The following LRRC3B variants were observed in gnomAD, a reference collection of about 807,000 sequenced individuals.
LRRC3B encodes leucine-rich repeat-containing protein 3B.
In LRRC3B, 2 loss-of-function variants were observed where a neutral mutation model predicts 12.8. That is an observed-to-expected ratio of 0.16 (90% confidence interval 0.06 to 0.49). LRRC3B has a LOEUF of 0.49. Ranked by LOEUF, LRRC3B falls within the 20% of genes least tolerant of loss-of-function variation. The pLI, the probability that LRRC3B is intolerant of heterozygous loss-of-function variation, is 0.96. For synonymous variants in LRRC3B, 132 were observed against 122.0 expected (o/e 1.08, Z -0.54); for missense variants, 189 against 319.4 (o/e 0.59, Z 3.11).
intron 1 of LRRC3B, among the ~76,000 whole-genome samples, chr3:26,643,255 A>AGT (rs76915536): frequency 0.068 from 9,358 of 136,858 alleles, 385 homozygotes; most frequent in East Asian, 0.16. Context: ...CATATGTGTG[A>AGT]GTGTGTGTGT....
chr3:26,681,274 G>C (rs1699965545), intron 1 of LRRC3B, among the ~76,000 whole-genome samples: 1 of 152,160 alleles, frequency 6.6e-6, no homozygotes, highest in African/African-American at 2.4e-5. Flanking sequence ...TTCGTGGGGA[G>C]AAAAATGTGT....
At chr3:26,631,594 C>T (rs1698758651) in intron 1 of LRRC3B, among the ~76,000 whole-genome samples, 1 of 151,632 alleles carries the variant, frequency 6.6e-6, no homozygotes, top group Non-Finnish European at 1.5e-5. Context: ...ACAGAATGTC[C>T]CTGTCTTGGA....
intron 1 of LRRC3B, among the ~76,000 whole-genome samples, chr3:26,689,796 A>G (rs1437409979): frequency 6.6e-6 from 1 of 152,216 alleles, no homozygotes; most frequent in Non-Finnish European, 1.5e-5. Context: ...ATTTGCTCCA[A>G]GGCAGCTCTG....
intron 1 of LRRC3B, among the ~76,000 whole-genome samples, chr3:26,707,995 A>G (rs1700645321): frequency 6.6e-6 from 1 of 152,108 alleles, no homozygotes; most frequent in South Asian, 2.1e-4. Flanking sequence ...GCTGTTGCTA[A>G]TCTCATTTTT....
intron 1 of LRRC3B, among the ~76,000 whole-genome samples, chr3:26,626,933 A>G (rs1575107120): frequency 6.6e-6 from 1 of 152,202 alleles, no homozygotes; most frequent in African/African-American, 2.4e-5. Context: ...AATTTTTCCT[A>G]TCACAGGAAA....
intron 1 of LRRC3B, among the ~76,000 whole-genome samples, chr3:26,701,583 A>G (rs1700455650): frequency 6.6e-6 from 1 of 152,096 alleles, no homozygotes; most frequent in Non-Finnish European, 1.5e-5. Flanking sequence ...CATTTGACCT[A>G]TAGGAAATAG....
chr3:26,625,365 G>A (rs955489220), intron 1 of LRRC3B: 1 of 152,220 alleles, frequency 6.6e-6, no homozygotes, highest in Non-Finnish European at 1.5e-5. Context: ...CCTGCCTAGC[G>A]GTGGCAAACT....
intron 1 of LRRC3B, among the ~76,000 whole-genome samples, chr3:26,683,956 T>C: frequency 6.6e-6 from 1 of 152,260 alleles, no homozygotes; most frequent in East Asian, 1.9e-4. Flanking sequence ...TGAGAAAAGC[T>C]GATCCTCTGT....
At chr3:26,643,993 C>T (rs944145706) in intron 1 of LRRC3B, among the ~76,000 whole-genome samples, 9 of 152,196 alleles carry the variant, frequency 5.9e-5, no homozygotes, top group Non-Finnish European at 1.2e-4. Flanking sequence ...CTCAGCATTT[C>T]CAAGTATACC....
chr3:26,680,365 TA>T (rs1699946588), intron 1 of LRRC3B, among the ~76,000 whole-genome samples: 1 of 152,256 alleles, frequency 6.6e-6, no homozygotes, highest in African/African-American at 2.4e-5. Flanking sequence ...CTCATTAATC[TA>T]TTTAGGAAAT....
At chr3:26,625,026 G>A (rs967316336) in intron 1 of LRRC3B, 2 of 152,426 alleles carry the variant, frequency 1.3e-5, no homozygotes, top group African/African-American at 4.8e-5. Context: ...CTCTCCCAGA[G>A]GTGCCTTTGG....
At chr3:26,632,775 AT>A (rs542166040) in intron 1 of LRRC3B, among the ~76,000 whole-genome samples, 278 of 152,236 alleles carry the variant, frequency 1.8e-3, no homozygotes, top group Admixed American at 5.1e-3. Flanking sequence ...AGCATCCAAG[AT>A]GGAGTTGCTT....
intron 1 of LRRC3B, among the ~76,000 whole-genome samples, chr3:26,636,766 T>C (rs866716659): frequency 1.9e-4 from 29 of 150,440 alleles, no homozygotes; most frequent in Middle Eastern, 3.5e-3. Flanking sequence ...GGAAAGCCCA[T>C]ATAGCTTTCT....
At chr3:26,626,109 A>G (rs951897757) in intron 1 of LRRC3B, among the ~76,000 whole-genome samples, 3 of 152,184 alleles carry the variant, frequency 2.0e-5, no homozygotes, top group Admixed American at 2.0e-4. Flanking sequence ...CTGGCCTGTG[A>G]GCCCCTGTGA....
At chr3:26,629,700 T>C (rs1321349468) in intron 1 of LRRC3B, among the ~76,000 whole-genome samples, 1 of 152,250 alleles carries the variant, frequency 6.6e-6, no homozygotes, top group Non-Finnish European at 1.5e-5. Context: ...ATTTTCCTGC[T>C]GCTATGTGTT....
At chr3:26,707,531 CCTT>C (rs1194078683) in intron 1 of LRRC3B, among the ~76,000 whole-genome samples, 6 of 152,132 alleles carry the variant, frequency 3.9e-5, no homozygotes, top group African/African-American at 1.4e-4. Flanking sequence ...ATGCCAAACT[CCTT>C]TAATGAATCC....
In LRRC3B at chr3:26,678,773, G is replaced by A. The variant is rs148416300; in HGVS notation, c.-160-30740G>A. 6.6e-5 allele frequency among the ~76,000 whole-genome samples: 10 copies of A among 152,196 alleles called. No individual in the cohort carries two copies. The East Asian group carries it at 1.5e-3, about 24-fold the overall frequency. On this transcript the variant is annotated intron_variant, in intron 1 of 1. Transcript: ENST00000396641. ...AATACCCAATTCATATTCTGTTGACGGTTAGCACAAAAGCCTTAGAGAATA... is the reference window on the plus strand; with the variant it reads ...AATACCCAATTCATATTCTGTTGACAGTTAGCACAAAAGCCTTAGAGAATA...
intron 1 of LRRC3B, among the ~76,000 whole-genome samples, chr3:26,672,016 A>C (rs1179593316): frequency 6.6e-6 from 1 of 152,164 alleles, no homozygotes; most frequent in Non-Finnish European, 1.5e-5. Flanking sequence ...TTTTAAATAC[A>C]TTTTAAAGAC....
At chr3:26,674,981 C>T (rs916785820) in intron 1 of LRRC3B, among the ~76,000 whole-genome samples, 2 of 152,102 alleles carry the variant, frequency 1.3e-5, no homozygotes, top group African/African-American at 2.4e-5. Flanking sequence ...TGTTGATATT[C>T]CGTGACATGA....
Sources: allele counts gnomAD v4.1 joint callset (sites outside exome capture counted in the v4.1 genomes callset), GRCh38; gene constraint gnomAD v4.1.1; transcripts MANE v1.5; gene names NCBI Gene and HGNC (gene_info 2026-07-23, HGNC 2026-07-21).